The following SLC66A1 variants were observed in gnomAD, a reference collection of about 807,000 sequenced individuals.
The protein encoded by SLC66A1 is solute carrier family 66 member 1.
Under a neutral mutation model 33.0 loss-of-function variants are expected in SLC66A1, and 23 were observed. That is an observed-to-expected ratio of 0.70 (90% CI 0.50 to 0.99). SLC66A1 has a LOEUF of 0.99. SLC66A1 is among the 50% of genes least tolerant of loss of function. SLC66A1 has a pLI of 0.00. For synonymous variants in SLC66A1, 164 were observed against 175.5 expected (o/e 0.93, Z 0.52); for missense variants, 335 against 383.6 (o/e 0.87, Z 1.06).
downstream of SLC66A1, among the ~76,000 whole-genome samples, chr1:19,333,684 AC>A (rs1410719827): frequency 6.6e-6 from 1 of 151,686 alleles, no homozygotes; most frequent in Non-Finnish European, 1.5e-5. This position sits in a 1 kb window ranked among gnomAD's most constrained non-coding sequence, Gnocchi z 4.2. Context: ...AGGTGAGGCG[AC>A]TCATGCCTGG....
downstream of SLC66A1, among the ~76,000 whole-genome samples, chr1:19,334,063 G>A (rs2093898767): frequency 6.6e-6 from 1 of 152,218 alleles, no homozygotes; most frequent in Non-Finnish European, 1.5e-5. Context: ...CAGCCCTGGG[G>A]ACACAGTCAC....
chr1:19,331,083 C>G (rs1055079128), downstream of SLC66A1, among the ~76,000 whole-genome samples: 5 of 152,206 alleles, frequency 3.3e-5, no homozygotes, highest in African/African-American at 1.2e-4. Context: ...GCGATCTCAG[C>G]TCACTGCAAC....
chr1:19,328,784 C>T lies in SLC66A1; in HGVS notation c.*141C>T, dbSNP rs192075414. 9.1e-6 allele frequency: 8 copies of T among 877,190 alleles called. No individual in the cohort carries two copies. The highest frequency in any genetic ancestry group is 1.7e-5 in the African/African-American group (1 of 60,020). The allele number at this position is 877,190 out of a possible 1,614,324, so 54.3% of individuals were successfully genotyped here. A position where few individuals can be genotyped will look rare whatever the true frequency, so the allele number is the denominator to read the frequency against. ...TCCTCCGTGGACCGAACCGTCCCCC[C>T]AGGAACACACCTTCAGGTAGACCCC... On this transcript the variant is annotated 3_prime_UTR_variant, in exon 8 of 8. Transcript: ENST00000375153. The surrounding 1 kb of genome is among the most constrained non-coding windows in gnomAD (Gnocchi z 4.7).
downstream of SLC66A1, among the ~76,000 whole-genome samples, chr1:19,330,787 G>A (rs993552485): frequency 2.8e-4 from 43 of 152,158 alleles, no homozygotes; most frequent in Non-Finnish European, 4.4e-4. Context: ...GGGTTTGGTC[G>A]GGTGAAGAGC....
At chr1:19,314,022 C>T (rs539450168) in intron 1 of SLC66A1, among the ~76,000 whole-genome samples, 2 of 152,368 alleles carry the variant, frequency 1.3e-5, no homozygotes, top group South Asian at 2.1e-4. Flanking sequence ...AGGGTGATTC[C>T]AGGGTACCGC....
Position 19,328,647 on chromosome 1 carries a change from GAA to G in SLC66A1, c.*5_*6del, listed in dbSNP as rs2152018245. On this transcript the variant is annotated 3_prime_UTR_variant, in exon 8 of 8. Coordinates refer to ENST00000375153, the MANE Select transcript of SLC66A1 (RefSeq NM_001040125.2). The surrounding 1 kb of genome is among the most constrained non-coding windows in gnomAD (Gnocchi z 4.7). ...TGAGCCCCTCCTCCCCAGCTGACCA[GAA>G]CCAGGCTGAGCGCAGGAGGACAGGC... 2 of 1,613,478 alleles carry G rather than the reference GAA, an allele frequency of 1.2e-6. No individual in the cohort carries two copies. The highest frequency in any genetic ancestry group is 3.3e-5 in the Admixed American group (2 of 59,980).
At position 19,327,392 on chromosome 1, in the gene SLC66A1, G is replaced by T; in HGVS notation, c.784G>T (p.Val262Leu). The change falls in exon 7 of 8, where the codon GTG (valine) becomes TTG (leucine). Residue 262 changes from valine to leucine, a missense_variant. Physicochemically the swap from Val to Leu is conservative, Grantham distance 32 (BLOSUM62 1). Transcript: ENST00000375153. Reference protein sequence around the residue: ...HLPWLVGSLGVLLLDTIISIQ... With the variant: ...HLPWLVGSLGLLLLDTIISIQ... Reference sequence around the variant, plus strand: ...GCCCTGGCTTGTGGGCAGCCTGGGCGTGCTGCTGCTCGACACCATCGTATC... The same window carrying T: ...GCCCTGGCTTGTGGGCAGCCTGGGCTTGCTGCTGCTCGACACCATCGTATC... 2 of 1,597,718 alleles carry T rather than the reference G, an allele frequency of 1.3e-6. No individual in the cohort carries two copies. Among genetic ancestry groups the T allele is most frequent in the South Asian group, 1.1e-5 (1 of 88,354 alleles).
In SLC66A1 at chr1:19,317,715, G is replaced by A; in HGVS notation, c.38G>A (p.Ser13Asn). The change falls in exon 2 of 8, where the codon AGC becomes AAC. Residue 13 changes from serine to asparagine, a missense_variant. Ser to Asn is a conservative substitution (Grantham distance 46). Transcript: ENST00000375153. Reference sequence around the variant, plus strand: ...AAACTGGGCTCCCGCAACTTCTCCAGCTGCCCCAGTGGCTCCATCCAGTGG... The same window carrying A: ...AAACTGGGCTCCCGCAACTTCTCCAACTGCCCCAGTGGCTCCATCCAGTGG... ...WKKLGSRNFS[S>N]CPSGSIQWIW... 2 of 1,614,166 alleles carry A rather than the reference G, an allele frequency of 1.2e-6. No individual in the cohort carries two copies. The highest frequency in any genetic ancestry group is 1.7e-5 in the Admixed American group (1 of 60,028).
Position 19,329,119 on chromosome 1 carries a change from T to C in SLC66A1, c.*476T>C, listed in dbSNP as rs1380112688. On this transcript the variant is annotated 3_prime_UTR_variant, in exon 8 of 8. Coordinates refer to ENST00000375153, the MANE Select transcript of SLC66A1 (RefSeq NM_001040125.2). ...TAAAAATACAAAAATTAGCCAGGTG[T>C]GGTGGCACACATCTGTAGTCCCAGC... The C allele has an allele frequency of 1.2e-5, 2 of 167,640 alleles. No homozygotes were observed. Among genetic ancestry groups the C allele is most frequent in the African/African-American group, 4.8e-5 (2 of 41,578 alleles). 10.4% of individuals were successfully genotyped at this position (167,640 alleles called of 1,614,324 possible).
At chr1:19,326,949 G>C (rs1481795386) in intron 6 of SLC66A1, among the ~76,000 whole-genome samples, 1 of 152,174 alleles carries the variant, frequency 6.6e-6, no homozygotes, top group Non-Finnish European at 1.5e-5. Flanking sequence ...AGGCTTGCTG[G>C]GCAGCTAGAG....
chr1:19,316,873 CTTTCT>C (rs1333851081), intron 1 of SLC66A1, among the ~76,000 whole-genome samples: 14 of 113,316 alleles, frequency 1.2e-4, no homozygotes, highest in Non-Finnish European at 9.5e-5. Flanking sequence ...TTCTTTCTTT[CTTTCT>C]TTTTTTTTTT....
intron 7 of SLC66A1, 175 bp downstream of exon 7, chr1:19,327,587 TG>T: frequency 1.2e-6 from 1 of 811,786 alleles, no homozygotes; most frequent in Non-Finnish European, 2.0e-6. Flanking sequence ...ACACCTCCTG[TG>T]TGCCAGGCAC....
At chr1:19,333,899 CAAACAAAACAAAACAAAACA>C (rs71008144), downstream of SLC66A1, among the ~76,000 whole-genome samples, 10 of 98,378 alleles carry the variant, frequency 1.0e-4, no homozygotes, top group Non-Finnish European at 1.1e-4. This position sits in a 1 kb window ranked among gnomAD's most constrained non-coding sequence, Gnocchi z 4.2. Context: ...GACCTTGTCT[CAAACAAAACAAAACAAAACA>C]AAACAAAACA....
chr1:19,316,662 A>G (rs1225593414), intron 1 of SLC66A1, among the ~76,000 whole-genome samples: 2 of 149,538 alleles, frequency 1.3e-5, no homozygotes, highest in African/African-American at 5.0e-5. Flanking sequence ...CACAGTGCCC[A>G]GCCCTTATTT....
intron 2 of SLC66A1, among the ~76,000 whole-genome samples, chr1:19,319,951 C>T (rs61764954): frequency 0.33 from 48,453 of 148,626 alleles, 7,909 homozygotes; most frequent in Middle Eastern, 0.37. Context: ...GGCTGGAGTG[C>T]GGTGGTGCAA....
Position 19,327,909 on chromosome 1 carries a change from T to C in SLC66A1, c.804+497T>C, listed in dbSNP as rs554698089. On this transcript the variant is annotated intron_variant, in intron 7 of 7. Transcript: ENST00000375153. ...CTGGAGTGTGGAGAGACACATGACT[T>C]GGTCAGACAAACCTGGGTTCAAATC... 1.4e-3 allele frequency: 379 copies of C among 272,204 alleles called. 3 individuals are homozygous for C. Among genetic ancestry groups the C allele is most frequent in the Non-Finnish European group, 2.2e-3 (304 of 135,802 alleles). 16.9% of individuals were successfully genotyped at this position (272,204 alleles called of 1,614,324 possible). A position where few individuals can be genotyped will look rare whatever the true frequency, so the allele number is the denominator to read the frequency against.
At chr1:19,327,768 T>C (rs2093877245) in intron 7 of SLC66A1, 1 of 427,860 alleles carries the variant, frequency 2.3e-6, no homozygotes, top group East Asian at 6.3e-5. Context: ...CCAGGGACCG[T>C]CCTGGTTAGA....
At chr1:19,327,516 C>G (rs1190388167) in intron 7 of SLC66A1, 104 bp downstream of exon 7, 1 of 1,339,870 alleles carries the variant, frequency 7.5e-7, no homozygotes, top group Admixed American at 2.0e-5. Flanking sequence ...TTCATCCATC[C>G]GTCCATCCAT....
chr1:19,313,086 C>T lies in SLC66A1; in HGVS notation c.-79+197C>T, dbSNP rs1377389949. 6 of 505,698 alleles carry T rather than the reference C, an allele frequency of 1.2e-5. No individual in the cohort carries two copies. The Admixed American group carries it at 1.9e-4, about 16-fold the overall frequency. 31.3% of individuals were successfully genotyped at this position (505,698 alleles called of 1,614,324 possible). ...TGCCAGTGCCAGGCACCCTTGTAATCGCTTGGCCTGGATTGTCTCATTTAA... is the reference window on the plus strand; with the variant it reads ...TGCCAGTGCCAGGCACCCTTGTAATTGCTTGGCCTGGATTGTCTCATTTAA... On this transcript the variant is annotated intron_variant, in intron 1 of 7. Coordinates refer to ENST00000375153, the MANE Select transcript of SLC66A1 (RefSeq NM_001040125.2).
Sources: gnomAD v4.1 joint callset for allele counts (sites outside exome capture counted in the v4.1 genomes callset) on GRCh38, gnomAD v4.1.1 for gene constraint, Gnocchi (gnomAD v3.1) non-coding constraint, MANE v1.5 for transcripts, NCBI Gene and HGNC (gene_info 2026-07-23, HGNC 2026-07-21) for gene names.